Variants in EGFLAM observed in about 807,000 individuals in gnomAD.
EGFLAM encodes EGF like, fibronectin type III and laminin G domains.
A neutral mutation model predicts 113.1 loss-of-function variants in EGFLAM; 79 were observed. That is an observed-to-expected ratio of 0.70 (90% CI 0.58 to 0.84). The LOEUF is 0.84. EGFLAM is among the 40% of genes least tolerant of loss of function. The pLI, the probability that EGFLAM is intolerant of heterozygous loss-of-function variation, is 0.00. For missense variants in EGFLAM, 1,265 were observed against 1,291.6 expected, an observed-to-expected ratio of 0.98 and a Z score of 0.32; for synonymous variants, 504 against 487.6, an observed-to-expected ratio of 1.03 and a Z score of -0.44.
intron 4 of EGFLAM, among the ~76,000 whole-genome samples, chr5:38,351,527 G>A (rs1299459132): frequency 6.6e-6 from 1 of 152,178 alleles, no homozygotes; most frequent in Non-Finnish European, 1.5e-5. Flanking sequence ...TACAAAAAAT[G>A]CATAGGATTT....
chr5:38,368,693 A>G (rs1180060313), intron 5 of EGFLAM, among the ~76,000 whole-genome samples: 1 of 152,030 alleles, frequency 6.6e-6, no homozygotes, highest in African/African-American at 2.4e-5. Flanking sequence ...AAGCAAAGGG[A>G]TGGGGAATCG....
chr5:38,417,256 G>A (rs1450468891), intron 11 of EGFLAM, among the ~76,000 whole-genome samples: 1 of 150,364 alleles, frequency 6.7e-6, no homozygotes, highest in Non-Finnish European at 1.5e-5. Context: ...GCTGAGACAG[G>A]AGAATTGCTT....
intron 6 of EGFLAM, among the ~76,000 whole-genome samples, chr5:38,394,916 C>T (rs1740917213): frequency 6.6e-6 from 1 of 151,954 alleles, no homozygotes; most frequent in Non-Finnish European, 1.5e-5. Flanking sequence ...TGTTGAACAA[C>T]CATTTAATTG....
intron 5 of EGFLAM, among the ~76,000 whole-genome samples, chr5:38,357,651 A>G (rs1739797833): frequency 6.6e-6 from 1 of 152,166 alleles, no homozygotes; most frequent in East Asian, 1.9e-4. Context: ...GGCCAAGGCT[A>G]GGAAATTGTA....
Position 38,399,593 on chromosome 5 carries a change from T to A in EGFLAM, c.713-6533T>A, listed in dbSNP as rs1370279965. On this transcript the variant is annotated intron_variant, in intron 6 of 21. Coordinates refer to ENST00000322350, the MANE Select transcript of EGFLAM (RefSeq NM_152403.4). ...GCACCCGGCCCCCAAGGTCCTTTGA[T>A]AGATTAGCTTCCCTCCTTCAGAAAT... 3.9e-5 allele frequency among the ~76,000 whole-genome samples: 6 copies of A among 152,150 alleles called. No homozygotes were observed. In the East Asian group the frequency reaches 1.2e-3, roughly 29 times the overall value.
At chr5:38,397,415 C>T (rs902253828) in intron 6 of EGFLAM, among the ~76,000 whole-genome samples, 1 of 152,174 alleles carries the variant, frequency 6.6e-6, no homozygotes, top group African/African-American at 2.4e-5. Flanking sequence ...TTGTGACTCA[C>T]TCACACAGCA....
rs532151195 is a variant in EGFLAM, at chr5:38,373,587, G to A, written c.712+3125G>A. Among the ~76,000 whole-genome samples, 11 of 152,250 alleles carry A rather than the reference G, an allele frequency of 7.2e-5. No individual in the cohort carries two copies. In the East Asian group the frequency reaches 2.1e-3, roughly 29 times the overall value. The stretch of plus-strand genomic sequence containing the variant: ...GTTTCATTCATGTTGCTTAAAAGAC[G>A]TGGGTTTGTTCTTTGTTATGGCTGC... On this transcript the variant is annotated intron_variant, in intron 6 of 21. Transcript: ENST00000322350.
At chr5:38,412,798 C>A in intron 11 of EGFLAM, 150 bp downstream of exon 11, 1 of 1,256,136 alleles carries the variant, frequency 8.0e-7, no homozygotes, top group Non-Finnish European at 1.1e-6. Flanking sequence ...TGAACCCATG[C>A]AACAGACCTT....
chr5:38,429,276 G>A (rs905232037), intron 14 of EGFLAM, among the ~76,000 whole-genome samples: 2 of 152,204 alleles, frequency 1.3e-5, no homozygotes, highest in African/African-American at 4.8e-5. Context: ...GCTCTGTTAT[G>A]GAGATAGACC....
At chr5:38,361,213 C>T (rs1006236066) in intron 5 of EGFLAM, among the ~76,000 whole-genome samples, 1 of 152,008 alleles carries the variant, frequency 6.6e-6, no homozygotes, top group African/African-American at 2.4e-5. Flanking sequence ...AGCTATTCTA[C>T]CTCCTTACTT....
intron 1 of EGFLAM, among the ~76,000 whole-genome samples, chr5:38,328,605 C>G (rs1266222805): frequency 6.6e-6 from 1 of 152,012 alleles, no homozygotes; most frequent in Non-Finnish European, 1.5e-5. Context: ...CAGTGTTACT[C>G]TCGTTTTAAT....
intron 1 of EGFLAM, among the ~76,000 whole-genome samples, chr5:38,277,343 G>A (rs554472652): frequency 6.6e-6 from 1 of 152,226 alleles, no homozygotes; most frequent in African/African-American, 2.4e-5. Flanking sequence ...TGCAGAAAAG[G>A]CATTTGATGA....
intron 1 of EGFLAM, among the ~76,000 whole-genome samples, chr5:38,335,334 A>T (rs896694945): frequency 1.3e-5 from 2 of 152,178 alleles, no homozygotes; most frequent in Non-Finnish European, 2.9e-5. Flanking sequence ...AATAACTGCA[A>T]TGTCAATCAA....
chr5:38,273,062 G>C (rs2451015), intron 1 of EGFLAM, among the ~76,000 whole-genome samples: 29,971 of 151,920 alleles, frequency 0.2, 4,358 homozygotes, highest in African/African-American at 0.4. Context: ...AGAGACCACT[G>C]TATCTAGTTA....
Position 38,307,724 on chromosome 5 carries a change from G to A in EGFLAM, c.98-29796G>A, listed in dbSNP as rs569785711. Among the ~76,000 whole-genome samples the A allele has an allele frequency of 3.2e-4, 49 of 152,284 alleles. No individual in the cohort carries two copies. In the South Asian group the frequency reaches 4.8e-3, roughly 15 times the overall value. On this transcript the variant is annotated intron_variant, in intron 1 of 21. Transcript: ENST00000322350. The stretch of plus-strand genomic sequence containing the variant: ...ATTACTCTTTGCATATTATTCTCTT[G>A]CCAGTGATCTTTCTCTTTGCATGTC...
intron 16 of EGFLAM, among the ~76,000 whole-genome samples, chr5:38,435,570 C>T (rs979511545): frequency 2.0e-5 from 3 of 152,104 alleles, no homozygotes; most frequent in Admixed American, 2.0e-4. Flanking sequence ...GATACTTCCA[C>T]AGTAGGGAAG....
chr5:38,343,078 T>C (rs1739378311), intron 3 of EGFLAM, among the ~76,000 whole-genome samples: 1 of 152,228 alleles, frequency 6.6e-6, no homozygotes, highest in East Asian at 1.9e-4. Flanking sequence ...GCGAAGTCAC[T>C]GATCTTTTCT....
At chr5:38,360,011 A>C (rs989221172) in intron 5 of EGFLAM, among the ~76,000 whole-genome samples, 1 of 152,162 alleles carries the variant, frequency 6.6e-6, no homozygotes, top group African/African-American at 2.4e-5. Flanking sequence ...TTTTTAAAGT[A>C]TTACTCGCAA....
intron 1 of EGFLAM, among the ~76,000 whole-genome samples, chr5:38,286,604 C>G (rs1189749854): frequency 1.3e-5 from 2 of 152,146 alleles, no homozygotes; most frequent in East Asian, 3.9e-4. Context: ...TTTGTCAGGG[C>G]ATGGAAAGCC....
Sources: gnomAD v4.1 joint callset for allele counts (sites outside exome capture counted in the v4.1 genomes callset) on GRCh38, gnomAD v4.1.1 for gene constraint, MANE v1.5 for transcripts, NCBI Gene and HGNC (gene_info 2026-07-23, HGNC 2026-07-21) for gene names.